Variants in COP1 observed in about 807,000 individuals in gnomAD.
COP1 encodes COP1 E3 ubiquitin ligase.
A neutral mutation model predicts 101.3 loss-of-function variants in COP1; 24 were observed. The observed-to-expected ratio is 0.24, with a 90% CI of 0.17 to 0.33. COP1 has a LOEUF of 0.33. COP1 is among the 10% of genes least tolerant of loss of function. The pLI is 1.00. For missense variants in COP1, 663 were observed against 906.2 expected (o/e 0.73, Z 3.45); for synonymous variants, 347 against 341.9 (o/e 1.01, Z -0.17).
chr1:175,999,270 G>A (rs1481106069), intron 15 of COP1, among the ~76,000 whole-genome samples: 2 of 151,940 alleles, frequency 1.3e-5, no homozygotes. Context: ...ACCCTTCTCA[G>A]ACTCTGGTAA....
intron 11 of COP1, among the ~76,000 whole-genome samples, chr1:176,062,836 T>C (rs923955842): frequency 1.3e-5 from 2 of 152,202 alleles, no homozygotes; most frequent in African/African-American, 4.8e-5. Flanking sequence ...ATTACTAATA[T>C]GGGCAGCAAC....
chr1:175,958,382 A>G (rs930148503), intron 18 of COP1, among the ~76,000 whole-genome samples: 7 of 151,826 alleles, frequency 4.6e-5, no homozygotes, highest in African/African-American at 1.4e-4. Flanking sequence ...TTCAGGTATA[A>G]TATCAAAGCC....
chr1:176,098,223 T>A (rs1352347414), intron 9 of COP1, among the ~76,000 whole-genome samples: 1 of 152,168 alleles, frequency 6.6e-6, no homozygotes, highest in East Asian at 1.9e-4. Flanking sequence ...AAGTCAAACC[T>A]TGGCTGCACC....
chr1:175,994,132 T>C (rs917866039), intron 15 of COP1, among the ~76,000 whole-genome samples: 3 of 152,124 alleles, frequency 2.0e-5, no homozygotes, highest in African/African-American at 7.2e-5. Context: ...GAATTTCATA[T>C]CCAGCCAAAC....
chr1:176,186,365 A>C (rs80228080), intron 1 of COP1, among the ~76,000 whole-genome samples: 13 of 151,746 alleles, frequency 8.6e-5, no homozygotes, highest in Non-Finnish European at 1.3e-4. Flanking sequence ...AAAAAAAAAA[A>C]CACAAAAACT....
intron 3 of COP1, among the ~76,000 whole-genome samples, chr1:176,169,246 G>A (rs975501454): frequency 1.3e-5 from 2 of 152,068 alleles, no homozygotes; most frequent in Non-Finnish European, 2.9e-5. Context: ...TTGGGGAGAA[G>A]GATACCACAC....
intron 11 of COP1, among the ~76,000 whole-genome samples, chr1:176,047,039 T>C (rs1420899662): frequency 6.6e-6 from 1 of 152,206 alleles, no homozygotes; most frequent in African/African-American, 2.4e-5. Context: ...AAACAAGCTA[T>C]TTGAAAGCAA....
chr1:176,145,234 C>G (rs1477772148), intron 6 of COP1, among the ~76,000 whole-genome samples: 20 of 152,000 alleles, frequency 1.3e-4, no homozygotes, highest in African/African-American at 4.8e-4. Context: ...AATGGCCAAT[C>G]AATGTAGTAC....
chr1:176,128,203 G>T (rs1332823223), intron 8 of COP1, among the ~76,000 whole-genome samples: 1 of 151,952 alleles, frequency 6.6e-6, no homozygotes. Context: ...TATACACGCT[G>T]GCTCAAATAC....
chr1:175,955,213 G>T (rs1055558311), intron 18 of COP1, among the ~76,000 whole-genome samples: 1 of 152,038 alleles, frequency 6.6e-6, no homozygotes, highest in Non-Finnish European at 1.5e-5. Flanking sequence ...CTGTACTCTC[G>T]CCTGGGTGAC....
At chr1:176,089,658 C>T (rs1572167504) in intron 9 of COP1, among the ~76,000 whole-genome samples, 1 of 152,172 alleles carries the variant, frequency 6.6e-6, no homozygotes, top group East Asian at 1.9e-4. Context: ...AGCACTGCTT[C>T]ACTCTGAGAC....
intron 11 of COP1, among the ~76,000 whole-genome samples, chr1:176,062,293 A>G (rs2149303105): frequency 6.6e-6 from 1 of 152,212 alleles, no homozygotes; most frequent in Non-Finnish European, 1.5e-5. Context: ...TGAGCCACTG[A>G]GCCCGGCCAA....
intron 3 of COP1, among the ~76,000 whole-genome samples, chr1:176,170,023 A>C (rs1695800588): frequency 6.6e-6 from 1 of 152,240 alleles, no homozygotes; most frequent in Non-Finnish European, 1.5e-5. Flanking sequence ...TTCTTTGTTC[A>C]TCCATAAGAA....
chr1:176,004,945 A>G (rs1186165843), intron 15 of COP1, among the ~76,000 whole-genome samples: 1 of 151,402 alleles, frequency 6.6e-6, no homozygotes, highest in Admixed American at 6.6e-5. Context: ...TCCTCCTTGT[A>G]CCTCTGGTAG....
At chr1:176,199,993 G>C (rs1347660065) in intron 1 of COP1, among the ~76,000 whole-genome samples, 1 of 152,130 alleles carries the variant, frequency 6.6e-6, no homozygotes, top group East Asian at 1.9e-4. Flanking sequence ...GTTAACTTGG[G>C]TAACCATTTG....
chr1:176,178,386 G>T (rs964351871), intron 2 of COP1, among the ~76,000 whole-genome samples: 38 of 151,684 alleles, frequency 2.5e-4, no homozygotes, highest in African/African-American at 8.2e-4. Flanking sequence ...GCTGGGCCTG[G>T]TTCTGCATGG....
At chr1:176,154,592 A>G (rs1385019948) in intron 5 of COP1, among the ~76,000 whole-genome samples, 1 of 152,168 alleles carries the variant, frequency 6.6e-6, no homozygotes, top group Non-Finnish European at 1.5e-5. Context: ...ATGAGGACAC[A>G]TGGACACATA....
chr1:176,118,999 T>C (rs1026049161), intron 8 of COP1, among the ~76,000 whole-genome samples: 2 of 152,214 alleles, frequency 1.3e-5, no homozygotes, highest in African/African-American at 4.8e-5. Flanking sequence ...ACCTTGTTTC[T>C]TAACAATTCC....
At chr1:176,095,810 C>T (rs769661290) in intron 9 of COP1, among the ~76,000 whole-genome samples, 2 of 152,054 alleles carry the variant, frequency 1.3e-5, no homozygotes, top group South Asian at 2.1e-4. Context: ...GCACCAAATC[C>T]GACTGGTAGA....
Sources: gnomAD v4.1 joint callset for allele counts (sites outside exome capture counted in the v4.1 genomes callset) on GRCh38, gnomAD v4.1.1 for gene constraint, MANE v1.5 for transcripts, NCBI Gene and HGNC (gene_info 2026-07-23, HGNC 2026-07-21) for gene names.